GULP1: variants seen among roughly 807,000 people sequenced by gnomAD.
GULP1 encodes GULP PTB domain containing engulfment adaptor 1.
A neutral mutation model predicts 40.9 loss-of-function variants in GULP1; 19 were observed. The observed-to-expected ratio is 0.46, with a 90% CI of 0.32 to 0.68. The LOEUF (loss-of-function observed/expected upper bound fraction) is 0.68. Ranked by LOEUF, GULP1 falls within the 30% of genes least tolerant of loss-of-function variation. The pLI is 0.03. For synonymous variants in GULP1, 119 were observed against 117.6 expected (o/e 1.01, Z -0.08); for missense variants, 312 against 362.2 (o/e 0.86, Z 1.12).
chr2:188,351,235 G>A (rs1458764948), intron 1 of GULP1, among the ~76,000 whole-genome samples: 2 of 151,908 alleles, frequency 1.3e-5, no homozygotes, highest in Non-Finnish European at 2.9e-5. Context: ...AATGAAAATA[G>A]AAAAAAGATG....
At chr2:188,391,572 T>C (rs2050532557) in intron 2 of GULP1, among the ~76,000 whole-genome samples, 1 of 152,056 alleles carries the variant, frequency 6.6e-6, no homozygotes, top group Admixed American at 6.6e-5. Context: ...TGGTTTGACT[T>C]CCTGTTTTCC....
intron 9 of GULP1, among the ~76,000 whole-genome samples, chr2:188,578,849 A>C (rs1415382100): frequency 6.6e-6 from 1 of 152,072 alleles, no homozygotes; most frequent in East Asian, 1.9e-4. Flanking sequence ...AAATTCCTCA[A>C]ACTGATTTTC....
intron 2 of GULP1, among the ~76,000 whole-genome samples, chr2:188,433,047 T>C (rs1398099171): frequency 5.3e-5 from 8 of 152,128 alleles, no homozygotes; most frequent in Non-Finnish European, 1.2e-4. Flanking sequence ...ATGGCAGATT[T>C]AAAGCAGGCA....
chr2:188,359,335 G>A (rs936402381), intron 1 of GULP1, among the ~76,000 whole-genome samples: 4 of 152,100 alleles, frequency 2.6e-5, no homozygotes, highest in African/African-American at 7.2e-5. Flanking sequence ...TTAGGCTCCA[G>A]AGTGATATAT....
intron 4 of GULP1, among the ~76,000 whole-genome samples, chr2:188,501,347 C>T (rs2063417417): frequency 6.6e-6 from 1 of 151,894 alleles, no homozygotes; most frequent in Non-Finnish European, 1.5e-5. Flanking sequence ...CCTGGCCCCA[C>T]CTTTTGCCTT....
chr2:188,535,895 G>C (rs1688816774), intron 6 of GULP1, among the ~76,000 whole-genome samples: 1 of 152,048 alleles, frequency 6.6e-6, no homozygotes, highest in South Asian at 2.1e-4. Context: ...ATTCTGATTG[G>C]TGTGAGATCA....
At chr2:188,554,954 C>T (rs1694379459) in intron 7 of GULP1, among the ~76,000 whole-genome samples, 2 of 151,978 alleles carry the variant, frequency 1.3e-5, no homozygotes, top group South Asian at 4.1e-4. Flanking sequence ...TATCTAAGTA[C>T]AGCTATTTCT....
At chr2:188,421,035 A>G (rs2055330961) in intron 2 of GULP1, among the ~76,000 whole-genome samples, 1 of 152,154 alleles carries the variant, frequency 6.6e-6, no homozygotes, top group South Asian at 2.1e-4. Flanking sequence ...TCTATTCAAC[A>G]TAATATTGGA....
intron 1 of GULP1, among the ~76,000 whole-genome samples, chr2:188,378,940 A>G (rs2048658838): frequency 6.6e-6 from 1 of 152,158 alleles, no homozygotes; most frequent in African/African-American, 2.4e-5. Context: ...AGTTTATCTT[A>G]ATATAGATGA....
At chr2:188,506,471 T>C (rs899108671) in intron 4 of GULP1, among the ~76,000 whole-genome samples, 1 of 152,004 alleles carries the variant, frequency 6.6e-6, no homozygotes, top group African/African-American at 2.4e-5. Flanking sequence ...ATAAAATACT[T>C]TTAGTTCTCC....
At chr2:188,520,014 C>G (rs2065581046) in intron 4 of GULP1, among the ~76,000 whole-genome samples, 1 of 152,138 alleles carries the variant, frequency 6.6e-6, no homozygotes, top group African/African-American at 2.4e-5. Flanking sequence ...ACACTCATCC[C>G]AAACTGGAGA....
chr2:188,360,649 C>T (rs1467230837), intron 1 of GULP1, among the ~76,000 whole-genome samples: 1 of 151,982 alleles, frequency 6.6e-6, no homozygotes, highest in Non-Finnish European at 1.5e-5. Context: ...TGTCTGATCC[C>T]TGTGTCCTTG....
At chr2:188,513,914 A>G (rs2064881699) in intron 4 of GULP1, among the ~76,000 whole-genome samples, 2 of 152,084 alleles carry the variant, frequency 1.3e-5, no homozygotes, top group African/African-American at 4.8e-5. Context: ...AGACAGGGCT[A>G]CTGTCTGTGT....
At chr2:188,582,367 A>G (rs1007631827) in intron 9 of GULP1, 3 of 471,180 alleles carry the variant, frequency 6.4e-6, no homozygotes, top group Non-Finnish European at 1.3e-5. Context: ...CTGATCATGA[A>G]CAACATGTGT....
intron 1 of GULP1, among the ~76,000 whole-genome samples, chr2:188,381,461 G>A (rs903529909): frequency 2.0e-5 from 3 of 152,056 alleles, no homozygotes; most frequent in African/African-American, 4.8e-5. Context: ...TTTGGAATTA[G>A]ATCAATTGAA....
chr2:188,521,205 T>C (rs2065738590), intron 4 of GULP1, among the ~76,000 whole-genome samples: 2 of 152,182 alleles, frequency 1.3e-5, no homozygotes, highest in African/African-American at 4.8e-5. Flanking sequence ...ATATATAGAA[T>C]TTTTTCTAGA....
At chr2:188,308,336 A>C (rs568836952) in intron 1 of GULP1, among the ~76,000 whole-genome samples, 1 of 152,360 alleles carries the variant, frequency 6.6e-6, no homozygotes, top group East Asian at 1.9e-4. Flanking sequence ...GTAAATGTAC[A>C]TGGGAAAGTA....
chr2:188,480,738 A>G (rs1298210630), intron 3 of GULP1, among the ~76,000 whole-genome samples: 2 of 151,810 alleles, frequency 1.3e-5, no homozygotes, highest in South Asian at 2.1e-4. Flanking sequence ...TTATTACATC[A>G]AATATAAATC....
chr2:188,588,035 T>G (rs749623653), intron 11 of GULP1, 86 bp downstream of exon 11: 3 of 786,774 alleles, frequency 3.8e-6, no homozygotes, highest in Admixed American at 3.6e-5. Flanking sequence ...AAACTATGGT[T>G]TCCTTCAATT....
Sources: allele counts gnomAD v4.1 joint callset (sites outside exome capture counted in the v4.1 genomes callset), GRCh38; gene constraint gnomAD v4.1.1; transcripts MANE v1.5; gene names NCBI Gene and HGNC (gene_info 2026-07-23, HGNC 2026-07-21).